ARHGAP15: variants seen among roughly 807,000 people sequenced by gnomAD.
ARHGAP15 encodes the protein rho GTPase-activating protein 15.
A neutral mutation model predicts 63.7 loss-of-function variants in ARHGAP15; 51 were observed. The observed-to-expected ratio is 0.80, with a 90% CI of 0.64 to 1.01. The LOEUF (loss-of-function observed/expected upper bound fraction) is 1.01, where lower values mean the gene tolerates loss of function less well. Among genes scored for constraint, ARHGAP15 ranks in the 50% least tolerant of loss-of-function variants. The pLI is 0.00. For missense variants in ARHGAP15, 560 were observed against 564.6 expected, an observed-to-expected ratio of 0.99 and a Z score of 0.08; for synonymous variants, 191 against 193.8, an observed-to-expected ratio of 0.99 and a Z score of 0.12.
At chr2:143,601,226 CTATATT>C (rs910210522) in intron 11 of ARHGAP15, among the ~76,000 whole-genome samples, 25 of 152,088 alleles carry the variant, frequency 1.6e-4, no homozygotes, top group Non-Finnish European at 2.9e-5. Flanking sequence ...GTGGTAGTCT[CTATATT>C]TATATTTGAT....
intron 2 of ARHGAP15, chr2:143,193,350 T>C (rs1041434163): frequency 1.3e-5 from 2 of 152,600 alleles, no homozygotes; most frequent in African/African-American, 4.8e-5. Flanking sequence ...CAACGGTGGG[T>C]GTTGAGGGCA....
chr2:143,147,797 C>T lies in ARHGAP15; in HGVS notation c.-14-7680C>T, dbSNP rs563493689. Among the ~76,000 whole-genome samples, 4 of 151,840 alleles carry T rather than the reference C, an allele frequency of 2.6e-5. No homozygotes were observed. The South Asian group carries it at 6.2e-4, about 24-fold the overall frequency. ...ACCTAAAATTCTGGAATATTTTTTC[C>T]GTATCACAGGGTGCCCTTTTCATAA... On this transcript the variant is annotated intron_variant, in intron 1 of 13. Coordinates refer to ENST00000295095, the MANE Select transcript of ARHGAP15 (RefSeq NM_018460.4).
chr2:143,154,975 TG>T (rs1690021102), intron 1 of ARHGAP15, among the ~76,000 whole-genome samples: 1 of 151,626 alleles, frequency 6.6e-6, no homozygotes, highest in Non-Finnish European at 1.5e-5. Context: ...GTATTGTGAG[TG>T]GGGGTAGGGG....
chr2:143,487,632 G>A lies in ARHGAP15; in HGVS notation c.826+137G>A, dbSNP rs552927132. 649 of 1,024,312 alleles carry A rather than the reference G, an allele frequency of 6.3e-4. No individual in the cohort carries two copies. The African/African-American group carries it at 0.01, about 16-fold the overall frequency. 63.5% of individuals were successfully genotyped at this position (1,024,312 alleles called of 1,614,324 possible). ...TTATTAAATTTTCTACTCTGTAACA[G>A]AGAAAAGAAAAATAATTGTCCAGAA... On this transcript the variant is annotated intron_variant, in intron 9 of 13. Transcript: ENST00000295095.
At chr2:143,444,326 A>C (rs5012625) in intron 8 of ARHGAP15, among the ~76,000 whole-genome samples, 135,728 of 152,226 alleles carry the variant, frequency 0.89, 60,844 homozygotes, top group Middle Eastern at 0.97. Flanking sequence ...GTATCCTCAG[A>C]AAGTGTCCTT....
At chr2:143,553,384 A>G (rs2105079281) in intron 10 of ARHGAP15, among the ~76,000 whole-genome samples, 1 of 152,314 alleles carries the variant, frequency 6.6e-6, no homozygotes, top group Non-Finnish European at 1.5e-5. Context: ...TAGTGTTGGT[A>G]TCTTTGAATC....
intron 12 of ARHGAP15, among the ~76,000 whole-genome samples, chr2:143,627,693 A>T (rs989296157): frequency 2.6e-5 from 4 of 152,132 alleles, no homozygotes; most frequent in African/African-American, 9.7e-5. Flanking sequence ...TTCACAGGAC[A>T]GGATGAATTG....
chr2:143,616,532 G>A (rs548414836), intron 11 of ARHGAP15, among the ~76,000 whole-genome samples: 48 of 152,242 alleles, frequency 3.2e-4, no homozygotes, highest in Non-Finnish European at 6.0e-4. Context: ...GCAAGCTAAC[G>A]TGGCGTGCCA....
intron 6 of ARHGAP15, among the ~76,000 whole-genome samples, chr2:143,369,354 T>C (rs1686441430): frequency 6.6e-6 from 1 of 152,122 alleles, no homozygotes; most frequent in African/African-American, 2.4e-5. Flanking sequence ...ATCATAAATA[T>C]AATGCCAATT....
At chr2:143,702,429 C>A (rs1424421342) in intron 12 of ARHGAP15, among the ~76,000 whole-genome samples, 1 of 151,258 alleles carries the variant, frequency 6.6e-6, no homozygotes, top group East Asian at 1.9e-4. Flanking sequence ...TCTGTTTTAC[C>A]CTCTTATTTT....
intron 12 of ARHGAP15, among the ~76,000 whole-genome samples, chr2:143,650,272 T>TCAAA (rs1255703226): frequency 6.6e-6 from 1 of 151,936 alleles, no homozygotes; most frequent in Admixed American, 6.6e-5. Flanking sequence ...CTATCATTAT[T>TCAAA]CAAACAGCAA....
intron 3 of ARHGAP15, among the ~76,000 whole-genome samples, chr2:143,214,857 A>T (rs543843641): frequency 6.6e-6 from 1 of 152,334 alleles, no homozygotes; most frequent in East Asian, 1.9e-4. Flanking sequence ...GATTTTAGTT[A>T]TTTGGAACAA....
chr2:143,207,938 T>G (rs931493135), intron 3 of ARHGAP15, among the ~76,000 whole-genome samples: 17 of 152,226 alleles, frequency 1.1e-4, no homozygotes, highest in Middle Eastern at 3.4e-3. Flanking sequence ...CTTTCTGCAC[T>G]CTGGTATGTT....
At position 143,470,862 on chromosome 2, in the gene ARHGAP15, ATGTGTGTG is replaced by A. The variant is rs925665310; in HGVS notation, c.704-16507_704-16500del. On this transcript the variant is annotated intron_variant, in intron 8 of 13. Transcript: ENST00000295095. The stretch of plus-strand genomic sequence containing the variant: ...TATATATACACACACACGTATATTT[ATGTGTGTG>A]TGTATATATATACACGTATATTTAT... 1.5e-3 allele frequency among the ~76,000 whole-genome samples: 216 copies of A among 148,830 alleles called. 2 individuals carry two copies. The highest frequency in any genetic ancestry group is 5.2e-3 in the African/African-American group (212 of 40,652).
At chr2:143,320,267 G>A (rs1683945677) in intron 6 of ARHGAP15, among the ~76,000 whole-genome samples, 1 of 152,130 alleles carries the variant, frequency 6.6e-6, no homozygotes, top group Admixed American at 6.5e-5. Flanking sequence ...GGACAGTGGT[G>A]GGCTGGAGCT....
intron 12 of ARHGAP15, among the ~76,000 whole-genome samples, chr2:143,625,683 C>CT (rs1698809344): frequency 6.6e-6 from 1 of 152,176 alleles, no homozygotes; most frequent in African/African-American, 2.4e-5. Context: ...TCCATAACAG[C>CT]TTTTTCTGAT....
chr2:143,686,757 G>T (rs1683370129), intron 12 of ARHGAP15, among the ~76,000 whole-genome samples: 2 of 152,046 alleles, frequency 1.3e-5, no homozygotes, highest in Non-Finnish European at 2.9e-5. Flanking sequence ...ACCAACAGGG[G>T]GCTCTCTTAA....
intron 2 of ARHGAP15, chr2:143,172,049 C>G (rs1690802487): frequency 6.6e-6 from 1 of 152,082 alleles, no homozygotes; most frequent in East Asian, 1.9e-4. Context: ...ACATTCCAGG[C>G]AGGAAAGAAG....
At chr2:143,197,763 T>C (rs1574078764) in intron 2 of ARHGAP15, among the ~76,000 whole-genome samples, 1 of 152,040 alleles carries the variant, frequency 6.6e-6, no homozygotes, top group Non-Finnish European at 1.5e-5. Flanking sequence ...GATTGGCTAG[T>C]TTATTGATTT....
Sources: allele counts gnomAD v4.1 joint callset (sites outside exome capture counted in the v4.1 genomes callset), GRCh38; gene constraint gnomAD v4.1.1; transcripts MANE v1.5; gene names NCBI Gene and HGNC (gene_info 2026-07-23, HGNC 2026-07-21).